FAT3: variants seen among roughly 807,000 people sequenced by gnomAD.
FAT3 encodes FAT atypical cadherin 3.
A neutral mutation model predicts 310.2 loss-of-function variants in FAT3; 95 were observed. The ratio of observed to expected loss-of-function variants is 0.31; its 90% CI spans 0.26 to 0.36. FAT3 has a LOEUF of 0.36. Among genes scored for constraint, FAT3 ranks in the 10% least tolerant of loss-of-function variants. The pLI, the probability that FAT3 is intolerant of heterozygous loss-of-function variation, is 1.00. For missense variants in FAT3, 5,408 were observed against 5,715.6 expected, an observed-to-expected ratio of 0.95 and a Z score of 1.74; for synonymous variants, 2,314 against 2,192.9, an observed-to-expected ratio of 1.06 and a Z score of -1.54.
chr11:92,491,289 G>A (rs933149680), intron 2 of FAT3, among the ~76,000 whole-genome samples: 2 of 151,924 alleles, frequency 1.3e-5, no homozygotes, highest in African/African-American at 2.4e-5. Context: ...CCATTTATTT[G>A]CCACAACTGG....
At chr11:92,251,938 T>C (rs1865158180) in intron 1 of FAT3, among the ~76,000 whole-genome samples, 1 of 152,202 alleles carries the variant, frequency 6.6e-6, no homozygotes, top group African/African-American at 2.4e-5. Flanking sequence ...AAAATGCTAT[T>C]AGTATGCTTG....
At chr11:92,859,464 A>T (rs1949068122) in intron 21 of FAT3, 142 bp downstream of exon 21, 2 of 840,208 alleles carry the variant, frequency 2.4e-6, no homozygotes. Flanking sequence ...GAGCAGCGGC[A>T]GAACTGGGAA....
chr11:92,632,086 A>T (rs61374987), intron 3 of FAT3, among the ~76,000 whole-genome samples: 4,133 of 152,258 alleles, frequency 0.027, 208 homozygotes, highest in African/African-American at 0.094. Flanking sequence ...TTACTGTTTT[A>T]AGGATTATAT....
chr11:92,358,622 ACTTGTAGATTTTAGAATCTAAGCC>A (rs1948798434), intron 2 of FAT3, among the ~76,000 whole-genome samples: 1 of 152,054 alleles, frequency 6.6e-6, no homozygotes, highest in Non-Finnish European at 1.5e-5. Flanking sequence ...TCCTCTCAGC[ACTTGTAGATTTTAGAATCTAAGCC>A]CAAGGAGCTG....
At chr11:92,642,144 G>A (rs996574415) in intron 3 of FAT3, among the ~76,000 whole-genome samples, 2 of 152,208 alleles carry the variant, frequency 1.3e-5, no homozygotes, top group African/African-American at 4.8e-5. Flanking sequence ...TTCAGAACCT[G>A]AGGAACTGAT....
At chr11:92,282,551 G>C (rs1278394152) in intron 1 of FAT3, among the ~76,000 whole-genome samples, 4 of 151,892 alleles carry the variant, frequency 2.6e-5, no homozygotes, top group Non-Finnish European at 5.9e-5. Flanking sequence ...TGTAATCCCA[G>C]CTACTCGGGA....
chr11:92,571,857 T>C (rs1955674489), intron 3 of FAT3, among the ~76,000 whole-genome samples: 1 of 152,232 alleles, frequency 6.6e-6, no homozygotes, highest in Non-Finnish European at 1.5e-5. Flanking sequence ...TCCCGTTTTT[T>C]CTCAGCTTTC....
At chr11:92,428,100 T>G (rs1813472176) in intron 2 of FAT3, among the ~76,000 whole-genome samples, 1 of 152,116 alleles carries the variant, frequency 6.6e-6, no homozygotes, top group African/African-American at 2.4e-5. Flanking sequence ...GGTTTAGTCT[T>G]GGGAGGGTGT....
At chr11:92,868,769 G>C (rs1040603865) in intron 22 of FAT3, among the ~76,000 whole-genome samples, 1 of 152,142 alleles carries the variant, frequency 6.6e-6, no homozygotes, top group Non-Finnish European at 1.5e-5. Flanking sequence ...AGGGAATCTT[G>C]CTTTGCAGTG....
chr11:92,670,164 T>A (rs1943084350), intron 3 of FAT3, among the ~76,000 whole-genome samples: 1 of 152,236 alleles, frequency 6.6e-6, no homozygotes, highest in Admixed American at 6.5e-5. Context: ...TGGCTGCTGT[T>A]CCTGGTGACT....
chr11:92,383,625 T>C (rs993947629), intron 2 of FAT3, among the ~76,000 whole-genome samples: 11 of 152,250 alleles, frequency 7.2e-5, no homozygotes, highest in Non-Finnish European at 1.6e-4. Flanking sequence ...TCTCTCCAAG[T>C]TGACACTCTG....
intron 6 of FAT3, among the ~76,000 whole-genome samples, chr11:92,771,707 A>G (rs1946459957): frequency 6.6e-6 from 1 of 151,762 alleles, no homozygotes; most frequent in Non-Finnish European, 1.5e-5. Context: ...AGATATACAC[A>G]TACACATACA....
At chr11:92,810,656 G>T (rs547891187) in intron 13 of FAT3, among the ~76,000 whole-genome samples, 2 of 152,230 alleles carry the variant, frequency 1.3e-5, no homozygotes, top group Admixed American at 1.3e-4. Flanking sequence ...GAGTGGGGGT[G>T]GGGGAGATAA....
intron 2 of FAT3, among the ~76,000 whole-genome samples, chr11:92,439,063 A>G (rs996771005): frequency 1.3e-5 from 2 of 152,230 alleles, no homozygotes; most frequent in Non-Finnish European, 2.9e-5. Context: ...ATCACTGACT[A>G]TGGGAGAGGC....
chr11:92,370,381 C>T (rs557848750), intron 2 of FAT3, among the ~76,000 whole-genome samples: 79 of 152,166 alleles, frequency 5.2e-4, no homozygotes, highest in African/African-American at 1.8e-3. Flanking sequence ...GTATGAGATC[C>T]GAGGTTGTGA....
intron 10 of FAT3, among the ~76,000 whole-genome samples, chr11:92,802,696 G>C (rs1177641704): frequency 6.6e-6 from 1 of 152,124 alleles, no homozygotes; most frequent in Non-Finnish European, 1.5e-5. Flanking sequence ...CTAATATTTT[G>C]ATGTCGTCAC....
intron 13 of FAT3, among the ~76,000 whole-genome samples, chr11:92,829,700 A>G (rs149835554): frequency 1.2e-3 from 178 of 152,318 alleles, no homozygotes; most frequent in African/African-American, 3.8e-3. Context: ...AAGCTTTCTT[A>G]TTTTTAATCC....
chr11:92,670,174 T>C (rs948592507), intron 3 of FAT3, among the ~76,000 whole-genome samples: 4 of 152,368 alleles, frequency 2.6e-5, no homozygotes, highest in African/African-American at 9.6e-5. Context: ...TCCTGGTGAC[T>C]TGGCATTTGC....
intron 2 of FAT3, among the ~76,000 whole-genome samples, chr11:92,442,111 A>ATATATATTTTTTTTTTT (rs1453396603): frequency 2.2e-5 from 1 of 45,218 alleles, no homozygotes; most frequent in Non-Finnish European, 3.1e-5. Context: ...ATATATATAT[A>ATATATATTTTTTTTTTT]TTTTTTTTTT....
Sources: allele counts gnomAD v4.1 joint callset (sites outside exome capture counted in the v4.1 genomes callset), GRCh38; gene constraint gnomAD v4.1.1; transcripts MANE v1.5; gene names NCBI Gene and HGNC (gene_info 2026-07-23, HGNC 2026-07-21).